NEGR1: variants seen among roughly 807,000 people sequenced by gnomAD.
NEGR1 encodes neuronal growth regulator 1.
Under a neutral mutation model 40.9 loss-of-function variants are expected in NEGR1, and 10 were observed. The ratio of observed to expected loss-of-function variants is 0.24; its 90% CI spans 0.15 to 0.42. The LOEUF (loss-of-function observed/expected upper bound fraction) is 0.42. Ranked by LOEUF, NEGR1 falls within the 10% of genes least tolerant of loss-of-function variation. NEGR1 has a pLI of 1.00. For missense variants in NEGR1, 352 were observed against 438.9 expected, an observed-to-expected ratio of 0.80 and a Z score of 1.77; for synonymous variants, 185 against 166.8, an observed-to-expected ratio of 1.11 and a Z score of -0.84.
In NEGR1 at chr1:71,400,648, T is replaced by G. The variant is rs1012162020; in HGVS notation, c.*6798A>C. 14 of 151,436 alleles carry G rather than the reference T, an allele frequency of 9.2e-5. No individual in the cohort carries two copies. The highest frequency in any genetic ancestry group is 1.5e-4 in the Non-Finnish European group (10 of 67,900). The allele number at this position is 151,436 out of a possible 1,614,324, so 9.4% of individuals were successfully genotyped here. A position where few individuals can be genotyped will look rare whatever the true frequency, so the allele number is the denominator to read the frequency against. On this transcript the variant is annotated 3_prime_UTR_variant, in exon 7 of 7. Transcript: ENST00000357731. ...ATAGATTATTAGATAGATAGGTTAC[T>G]TGGGTTTTTTTTTTTTTGGGTCATT...
chr1:71,459,353 C>A (rs978035259), intron 6 of NEGR1, among the ~76,000 whole-genome samples: 1 of 152,180 alleles, frequency 6.6e-6, no homozygotes, highest in Non-Finnish European at 1.5e-5. Context: ...AGAGTGATCT[C>A]ATACTTTAAT....
intron 2 of NEGR1, among the ~76,000 whole-genome samples, chr1:71,800,030 G>C (rs1026130473): frequency 6.6e-6 from 1 of 152,060 alleles, no homozygotes; most frequent in Non-Finnish European, 1.5e-5. Context: ...ACTTTTTAAT[G>C]ATCGCCATTG....
At chr1:71,450,492 T>C (rs994864841) in intron 6 of NEGR1, among the ~76,000 whole-genome samples, 5 of 152,280 alleles carry the variant, frequency 3.3e-5, no homozygotes, top group African/African-American at 1.2e-4. Flanking sequence ...TTAATAGTGG[T>C]TATCTTTGGA....
intron 1 of NEGR1, among the ~76,000 whole-genome samples, chr1:72,103,432 C>G (rs894204366): frequency 6.6e-6 from 1 of 152,040 alleles, no homozygotes; most frequent in Admixed American, 6.6e-5. Context: ...TGTCTCCCAC[C>G]AATTCCTTCT....
At chr1:71,623,943 G>A (rs569673703) in intron 4 of NEGR1, among the ~76,000 whole-genome samples, 1 of 152,050 alleles carries the variant, frequency 6.6e-6, no homozygotes, top group South Asian at 2.1e-4. Flanking sequence ...GAAATTCCAT[G>A]TCAGCAAGAG....
chr1:72,019,829 TA>T (rs976407609), intron 1 of NEGR1, among the ~76,000 whole-genome samples: 2 of 152,240 alleles, frequency 1.3e-5, no homozygotes, highest in South Asian at 4.1e-4. Flanking sequence ...ACTTCCTTTT[TA>T]AAGGCATTCT....
At chr1:72,263,894 C>T (rs943363178) in intron 1 of NEGR1, among the ~76,000 whole-genome samples, 1 of 151,436 alleles carries the variant, frequency 6.6e-6, no homozygotes, top group African/African-American at 2.4e-5. Context: ...CCCTGATTTT[C>T]TTATCCCTAT....
chr1:71,409,200 C>T (rs1311160962), intron 6 of NEGR1, among the ~76,000 whole-genome samples: 1 of 151,960 alleles, frequency 6.6e-6, no homozygotes, highest in Non-Finnish European at 1.5e-5. Flanking sequence ...AGCTATGGAA[C>T]TCCTCATTGT....
intron 4 of NEGR1, among the ~76,000 whole-genome samples, chr1:71,696,082 C>T (rs1357771937): frequency 6.6e-6 from 1 of 151,702 alleles, no homozygotes; most frequent in African/African-American, 2.4e-5. Flanking sequence ...TCTTTGTCCA[C>T]TGTATCCATG....
intron 4 of NEGR1, 91 bp from the exon 5 acceptor site, chr1:71,611,237 T>C: frequency 8.2e-7 from 1 of 1,219,834 alleles, no homozygotes; most frequent in Non-Finnish European, 1.2e-6. Context: ...ATTCCTTCTA[T>C]ATTCAAAGCA....
intron 4 of NEGR1, among the ~76,000 whole-genome samples, chr1:71,648,923 A>G (rs1651618367): frequency 6.6e-6 from 1 of 151,978 alleles, no homozygotes; most frequent in Non-Finnish European, 1.5e-5. Context: ...CATTCGTTCC[A>G]TTCAGTTCCA....
chr1:71,672,185 C>T (rs1486735711), intron 4 of NEGR1, among the ~76,000 whole-genome samples: 1 of 151,976 alleles, frequency 6.6e-6, no homozygotes, highest in Non-Finnish European at 1.5e-5. Context: ...GATTTAATAC[C>T]TTGCTGTTGA....
chr1:71,798,673 G>A (rs1005764724), intron 2 of NEGR1, among the ~76,000 whole-genome samples: 1 of 152,150 alleles, frequency 6.6e-6, no homozygotes, highest in Admixed American at 6.6e-5. Flanking sequence ...AAACTGAGCT[G>A]ATCTGAGTCT....
At chr1:72,173,263 C>T (rs74364046) in intron 1 of NEGR1, among the ~76,000 whole-genome samples, 1 of 131,456 alleles carries the variant, frequency 7.6e-6, no homozygotes, top group Admixed American at 8.4e-5. Context: ...TAGCCTGGGC[C>T]TTCTAAAGTG....
At chr1:71,481,264 G>A (rs890917420) in intron 6 of NEGR1, among the ~76,000 whole-genome samples, 25 of 151,520 alleles carry the variant, frequency 1.6e-4, no homozygotes, top group African/African-American at 5.8e-4. Flanking sequence ...CTCAATTGGT[G>A]CTCACCTATT....
chr1:71,909,821 T>C (rs1222770399), intron 2 of NEGR1, among the ~76,000 whole-genome samples: 1 of 152,186 alleles, frequency 6.6e-6, no homozygotes, highest in Non-Finnish European at 1.5e-5. Flanking sequence ...TGAGGAGATG[T>C]TTGAAAGATT....
chr1:71,697,496 T>C (rs1184358217), intron 4 of NEGR1, among the ~76,000 whole-genome samples: 2 of 151,806 alleles, frequency 1.3e-5, no homozygotes, highest in African/African-American at 2.4e-5. Flanking sequence ...TTCTAACTTC[T>C]TAACAACAAT....
At chr1:71,631,037 C>A (rs1184952198) in intron 4 of NEGR1, among the ~76,000 whole-genome samples, 2 of 151,882 alleles carry the variant, frequency 1.3e-5, no homozygotes, top group Non-Finnish European at 2.9e-5. Flanking sequence ...AACTTTTACA[C>A]CAGCATTCAC....
At chr1:71,693,398 G>T (rs1653360590) in intron 4 of NEGR1, among the ~76,000 whole-genome samples, 1 of 151,542 alleles carries the variant, frequency 6.6e-6, no homozygotes, top group East Asian at 1.9e-4. Context: ...ACTATTTTTG[G>T]ACACCTTTTT....
Sources: gnomAD v4.1 joint callset for allele counts (sites outside exome capture counted in the v4.1 genomes callset) on GRCh38, gnomAD v4.1.1 for gene constraint, MANE v1.5 for transcripts, NCBI Gene and HGNC (gene_info 2026-07-23, HGNC 2026-07-21) for gene names.